ZMYM2: variants seen among roughly 807,000 people sequenced by gnomAD.
ZMYM2 encodes zinc finger MYM-type containing 2, also known as zinc finger MYM-type protein 2.
In ZMYM2, 56 loss-of-function variants were observed where a neutral mutation model predicts 162.8. The ratio of observed to expected loss-of-function variants is 0.34; its 90% confidence interval spans 0.28 to 0.43. The LOEUF (loss-of-function observed/expected upper bound fraction) is 0.43, where lower values mean the gene tolerates loss of function less well. Ranked by LOEUF, ZMYM2 falls within the 20% of genes least tolerant of loss-of-function variation. The pLI is 1.00. For synonymous variants in ZMYM2, 510 were observed against 541.6 expected (o/e 0.94, Z 0.81); for missense variants, 1,275 against 1,621.8 (o/e 0.79, Z 3.67).
chr13:19,992,538 T>C (rs947480675), intron 2 of ZMYM2, among the ~76,000 whole-genome samples: 1 of 152,098 alleles, frequency 6.6e-6, no homozygotes, highest in African/African-American at 2.4e-5. Flanking sequence ...CCAGCCTGGG[T>C]GACAGAACGA....
chr13:20,036,966 C>T, intron 12 of ZMYM2, 57 bp downstream of exon 12: 1 of 1,452,588 alleles, frequency 6.9e-7, no homozygotes. Context: ...AACGTTGTAG[C>T]TGTTACCATT....
At chr13:19,957,254 CTTCATG>C (rs1452960899), upstream of ZMYM2, among the ~76,000 whole-genome samples, 1 of 152,108 alleles carries the variant, frequency 6.6e-6, no homozygotes, top group Non-Finnish European at 1.5e-5. Flanking sequence ...TCACTAAAAA[CTTCATG>C]TTCATCAATA....
chr13:20,006,076 A>G (rs1325141874), intron 5 of ZMYM2, among the ~76,000 whole-genome samples: 1 of 152,056 alleles, frequency 6.6e-6, no homozygotes, highest in Non-Finnish European at 1.5e-5. Context: ...TACCTAAAAG[A>G]AAAAACATTA....
intron 13 of ZMYM2, 118 bp from the exon 14 acceptor site, chr13:20,052,159 G>T: frequency 1.2e-6 from 1 of 801,252 alleles, no homozygotes; most frequent in Non-Finnish European, 1.9e-6. Context: ...CCTTAAAATA[G>T]TCTAAAATAT....
chr13:20,021,255 G>A (rs7329112), intron 7 of ZMYM2, among the ~76,000 whole-genome samples: 8,393 of 151,744 alleles, frequency 0.055, 260 homozygotes, highest in South Asian at 0.09. Flanking sequence ...AATTACAGGC[G>A]TGAGCCACTG....
In ZMYM2 at chr13:19,972,411, T is replaced by C. The variant is rs367875344; in HGVS notation, c.-11+12385T>C. On this transcript the variant is annotated intron_variant, in intron 2 of 24. Coordinates refer to ENST00000610343, the MANE Select transcript of ZMYM2 (RefSeq NM_197968.4). The stretch of plus-strand genomic sequence containing the variant: ...ATTACATTTACCCTTAAGAATTATC[T>C]AGTAATCTTGTGTATGCCTTTTAAA... Among the ~76,000 whole-genome samples the C allele has an allele frequency of 3.0e-4, 45 of 152,366 alleles. No individual in the cohort carries two copies. In the South Asian group the frequency reaches 8.7e-3, roughly 29 times the overall value.
intron 2 of ZMYM2, among the ~76,000 whole-genome samples, chr13:19,985,923 G>A (rs895506823): frequency 6.6e-6 from 1 of 151,054 alleles, no homozygotes; most frequent in Admixed American, 6.6e-5. Context: ...GATAACGTGC[G>A]CCTATAAATC....
At chr13:20,063,403 TAA>T (rs774452570) in intron 18 of ZMYM2, among the ~76,000 whole-genome samples, 61 of 121,172 alleles carry the variant, frequency 5.0e-4, no homozygotes, top group Admixed American at 5.9e-4. Flanking sequence ...ACCCTGTCTT[TAA>T]AAAAAAAAAA....
chr13:20,052,397 T>C (rs1485127917), intron 14 of ZMYM2, 86 bp downstream of exon 14: 34 of 1,333,612 alleles, frequency 2.5e-5, no homozygotes, highest in Non-Finnish European at 3.0e-5. Flanking sequence ...GTGATCATAA[T>C]AGTAATTTTT....
Position 19,995,002 on chromosome 13 carries a change from TAA to T in ZMYM2, c.847+1099_847+1100del, listed in dbSNP as rs11415288. Among the ~76,000 whole-genome samples, 193 of 140,578 alleles carry T rather than the reference TAA, an allele frequency of 1.4e-3. 1 individual carries two copies. The Middle Eastern group carries it at 0.019, about 14-fold the overall frequency. The allele number at this position is 140,578 out of a possible 152,430, so 92.2% of individuals were successfully genotyped here. A position where few individuals can be genotyped will look rare whatever the true frequency, so the allele number is the denominator to read the frequency against. On this transcript the variant is annotated intron_variant, in intron 3 of 24. Coordinates refer to ENST00000610343, the MANE Select transcript of ZMYM2 (RefSeq NM_197968.4). ...TGTGAGCCACCATGCCTGGCTAAAT[TAA>T]AAAAAAAAAAAAAAATTATTTGTAG...
At chr13:20,020,577 G>A (rs1781665995) in intron 7 of ZMYM2, among the ~76,000 whole-genome samples, 1 of 151,898 alleles carries the variant, frequency 6.6e-6, no homozygotes, top group Admixed American at 6.6e-5. Context: ...CTTCTTCTGA[G>A]ACCCCAATTC....
intron 2 of ZMYM2, among the ~76,000 whole-genome samples, chr13:19,968,963 T>C (rs981093744): frequency 6.6e-6 from 1 of 152,216 alleles, no homozygotes; most frequent in Non-Finnish European, 1.5e-5. Context: ...TGAATAATTA[T>C]ATGCATATCA....
intron 2 of ZMYM2, among the ~76,000 whole-genome samples, chr13:19,966,036 C>T (rs1362517087): frequency 6.6e-6 from 1 of 151,948 alleles, no homozygotes; most frequent in Non-Finnish European, 1.5e-5. Context: ...GCCTGGGCCT[C>T]CCAAAGTGCT....
chr13:19,906,030 C>A, the ZMYM2 span, among the ~76,000 whole-genome samples: 3 of 151,594 alleles, frequency 2.0e-5, no homozygotes, highest in Non-Finnish European at 2.9e-5. Context: ...AATCCCAGCA[C>A]TTTGGGAGGC....
At chr13:20,022,550 A>C (rs536259851) in intron 7 of ZMYM2, among the ~76,000 whole-genome samples, 2 of 152,318 alleles carry the variant, frequency 1.3e-5, no homozygotes, top group Non-Finnish European at 2.9e-5. Context: ...TCTGTTGTCA[A>C]TTAGAAAAAA....
At chr13:20,065,452 A>G (rs1309470989) in intron 19 of ZMYM2, among the ~76,000 whole-genome samples, 1 of 152,092 alleles carries the variant, frequency 6.6e-6, no homozygotes, top group Non-Finnish European at 1.5e-5. Context: ...AAATAAATAA[A>G]CTGGACTACA....
At chr13:20,036,951 T>TA (rs779005997) in intron 12 of ZMYM2, 42 bp downstream of exon 12, 4 of 1,526,590 alleles carry the variant, frequency 2.6e-6, no homozygotes, top group Non-Finnish European at 3.5e-6. Flanking sequence ...TAACCAGTCT[T>TA]AAAAAACGTT....
chr13:19,923,918 A>G, the ZMYM2 span, among the ~76,000 whole-genome samples: 1 of 151,816 alleles, frequency 6.6e-6, no homozygotes, highest in Non-Finnish European at 1.5e-5. Context: ...TGATCCACCC[A>G]CCTCGGCCTC....
the ZMYM2 span, among the ~76,000 whole-genome samples, chr13:19,928,421 A>C: frequency 6.6e-6 from 1 of 152,122 alleles, no homozygotes; most frequent in East Asian, 1.9e-4. Flanking sequence ...TCTTTTCGCT[A>C]AGTGCAATTA....
Sources: gnomAD v4.1 joint callset for allele counts (sites outside exome capture counted in the v4.1 genomes callset) on GRCh38, gnomAD v4.1.1 for gene constraint, MANE v1.5 for transcripts, NCBI Gene and HGNC (gene_info 2026-07-23, HGNC 2026-07-21) for gene names.